CDKL4: variants seen among roughly 807,000 people sequenced by gnomAD.
The protein encoded by CDKL4 is cyclin-dependent kinase-like 4.
In CDKL4, 44 loss-of-function variants were observed where a neutral mutation model predicts 42.0. That is an observed-to-expected ratio of 1.05 (90% CI 0.82 to 1.35). CDKL4 has a LOEUF of 1.35. Among genes scored for constraint, CDKL4 ranks in the 40% most tolerant of loss-of-function variants. The pLI, the probability that CDKL4 is intolerant of heterozygous loss-of-function variation, is 0.00. For synonymous variants in CDKL4, 120 were observed against 121.6 expected (o/e 0.99, Z 0.09); for missense variants, 393 against 369.9 (o/e 1.06, Z -0.51).
intron 5 of CDKL4, among the ~76,000 whole-genome samples, chr2:39,203,226 T>G (rs540359890): frequency 6.6e-6 from 1 of 152,278 alleles, no homozygotes; most frequent in African/African-American, 2.4e-5. Context: ...AAAAAAAGAA[T>G]GCATATTCAT....
At position 39,225,084 on chromosome 2, in the gene CDKL4, T is replaced by C. The variant is rs973626069; in HGVS notation, c.290+755A>G. 5.9e-5 allele frequency among the ~76,000 whole-genome samples: 9 copies of C among 152,328 alleles called. No homozygotes were observed. The South Asian group carries it at 8.3e-4, about 14-fold the overall frequency. The stretch of plus-strand genomic sequence containing the variant: ...TCCTTGTCTTGTTTCCTCACTTTAA[T>C]GAAAGTTCTTTTAGTTTTACCATTG... On this transcript the variant is annotated intron_variant, in intron 3 of 9. Transcript: ENST00000451199.
chr2:39,225,616 T>G (rs931423884), intron 3 of CDKL4, among the ~76,000 whole-genome samples: 2 of 152,160 alleles, frequency 1.3e-5, no homozygotes, highest in African/African-American at 4.8e-5. Context: ...AGCCTCAAAT[T>G]CATTTTGATT....
the CDKL4 span, among the ~76,000 whole-genome samples, chr2:39,168,897 C>CA: frequency 1.3e-5 from 2 of 151,844 alleles, no homozygotes; most frequent in African/African-American, 4.8e-5. Flanking sequence ...GCTGGGACTA[C>CA]AGGCACATGC....
At chr2:39,215,147 C>T (rs2148357628) in intron 3 of CDKL4, among the ~76,000 whole-genome samples, 1 of 152,292 alleles carries the variant, frequency 6.6e-6, no homozygotes, top group Non-Finnish European at 1.5e-5. Flanking sequence ...CATTGTCTTG[C>T]CAACATTTGG....
intron 5 of CDKL4, among the ~76,000 whole-genome samples, chr2:39,199,920 A>G (rs1676746418): frequency 6.6e-6 from 1 of 152,136 alleles, no homozygotes; most frequent in Non-Finnish European, 1.5e-5. Context: ...TCCCCTGAGA[A>G]CTGGAACAAG....
rs369818831 is a variant in CDKL4 at position 39,206,361 on chromosome 2, C to A, written c.364-1744G>T. Among the ~76,000 whole-genome samples, 25 of 152,316 alleles carry A rather than the reference C, an allele frequency of 1.6e-4. No homozygotes were observed. In the East Asian group the frequency reaches 3.1e-3, roughly 19 times the overall value. On this transcript the variant is annotated intron_variant, in intron 4 of 9. Transcript: ENST00000451199. ...TCTCCCAAAGTGCTGGGATTACAGG[C>A]GTGAGCCACCGCGCCTGGACCCAGC... is the stretch of plus-strand genomic sequence containing the variant.
At chr2:39,170,343 A>C in the CDKL4 span, among the ~76,000 whole-genome samples, 1 of 152,072 alleles carries the variant, frequency 6.6e-6, no homozygotes, top group South Asian at 2.1e-4. Context: ...AAAACAAACA[A>C]ACACATATGC....
At chr2:39,213,124 A>G (rs1410212958) in intron 4 of CDKL4, among the ~76,000 whole-genome samples, 2 of 152,120 alleles carry the variant, frequency 1.3e-5, no homozygotes, top group Non-Finnish European at 2.9e-5. Context: ...CTTTTTTCTC[A>G]TATTTTGAAC....
intron 1 of CDKL4, among the ~76,000 whole-genome samples, chr2:39,238,885 G>A (rs1679503995): frequency 6.6e-6 from 1 of 152,176 alleles, no homozygotes. Context: ...CCAAGTAGCT[G>A]GGATTACAGG....
At chr2:39,224,862 T>C (rs1421330218) in intron 3 of CDKL4, among the ~76,000 whole-genome samples, 2 of 152,148 alleles carry the variant, frequency 1.3e-5, no homozygotes, top group Non-Finnish European at 2.9e-5. Context: ...ATCTGTCGTG[T>C]TATAGGGGTC....
chr2:39,172,092 C>T (rs935082894), downstream of CDKL4, among the ~76,000 whole-genome samples: 23 of 151,994 alleles, frequency 1.5e-4, no homozygotes, highest in African/African-American at 4.8e-4. Flanking sequence ...AGGCGGATCA[C>T]GAGGTCAGGG....
chr2:39,213,419 T>C lies in CDKL4; in HGVS notation c.344A>G (p.Asn115Ser), dbSNP rs933804897. ...ACTTACGTTATGTATATGACAGAAA[T>C]TAAGAGCTTGAAGTGTTTGCCATAA... Residue 115 changes from asparagine to serine, a missense_variant, in exon 4 of 10, where the codon AAT becomes AGT. Coordinates refer to ENST00000451199, the Ensembl canonical transcript of CDKL4. 3 of 1,604,996 alleles carry C rather than the reference T, an allele frequency of 1.9e-6. No homozygotes were observed. In the African/African-American group the frequency reaches 4.0e-5, roughly 21 times the overall value.
chr2:39,202,627 T>C (rs1297169909), intron 5 of CDKL4, among the ~76,000 whole-genome samples: 1 of 140,754 alleles, frequency 7.1e-6, no homozygotes, highest in African/African-American at 2.6e-5. Flanking sequence ...ATGAGGCTTT[T>C]TGTCTATGTT....
chr2:39,231,338 T>C (rs1372340830), intron 1 of CDKL4, among the ~76,000 whole-genome samples: 10 of 152,248 alleles, frequency 6.6e-5, no homozygotes, highest in Non-Finnish European at 1.0e-4. Flanking sequence ...ATTTCTCTTG[T>C]TTCAAATGAG....
intron 2 of CDKL4, 123 bp from the exon 3 acceptor site, chr2:39,226,083 T>C (rs1678698245): frequency 1.1e-6 from 1 of 935,846 alleles, no homozygotes; most frequent in Admixed American, 3.6e-5. Flanking sequence ...CTATAATAAG[T>C]GGTAACAAAA....
At chr2:39,179,377 C>A in intron 8 of CDKL4, 56 bp from the exon 9 acceptor site, 1 of 1,378,272 alleles carries the variant, frequency 7.3e-7, no homozygotes, top group South Asian at 1.5e-5. Context: ...ATTTTGTTAC[C>A]GTGCCCACAA....
intron 1 of CDKL4, among the ~76,000 whole-genome samples, chr2:39,239,962 C>T (rs1338224035): frequency 1.3e-5 from 2 of 151,056 alleles, no homozygotes; most frequent in Non-Finnish European, 2.9e-5. Context: ...TGGTGGCGCA[C>T]ACTTGTAATC....
upstream of CDKL4, among the ~76,000 whole-genome samples, chr2:39,245,717 C>T (rs1163370621): frequency 1.3e-5 from 2 of 152,228 alleles, no homozygotes; most frequent in Non-Finnish European, 2.9e-5. Flanking sequence ...TTGATTAGTT[C>T]GTTTCCCTGC....
intron 4 of CDKL4, among the ~76,000 whole-genome samples, chr2:39,206,988 T>C (rs1311693820): frequency 2.0e-5 from 3 of 152,220 alleles, no homozygotes; most frequent in Non-Finnish European, 4.4e-5. Context: ...CTTGTTCCTA[T>C]TTAGTCTCAA....
Sources: gnomAD v4.1 joint callset for allele counts (sites outside exome capture counted in the v4.1 genomes callset) on GRCh38, gnomAD v4.1.1 for gene constraint, MANE v1.5 for transcripts, NCBI Gene and HGNC (gene_info 2026-07-23, HGNC 2026-07-21) for gene names.